NRXN3: variants seen among roughly 807,000 people sequenced by gnomAD.
The protein encoded by NRXN3 is neurexin 3.
NRXN3 carries 32 observed loss-of-function variants against 137.6 expected under a neutral mutation model. That is an observed-to-expected ratio of 0.23 (90% CI 0.18 to 0.31). NRXN3 has a LOEUF of 0.31. NRXN3 is among the 10% of genes least tolerant of loss of function. The probability of loss-of-function intolerance (pLI) is 1.00; values close to 1 mark genes in which losing one functional copy is unlikely to be tolerated. For missense variants in NRXN3, 1,574 were observed against 2,062.5 expected (o/e 0.76, Z 4.59); for synonymous variants, 798 against 784.5 (o/e 1.02, Z -0.29).
At chr14:78,611,706 C>T (rs1345646151) in intron 4 of NRXN3, among the ~76,000 whole-genome samples, 1 of 152,180 alleles carries the variant, frequency 6.6e-6, no homozygotes, top group Non-Finnish European at 1.5e-5. Context: ...CTAGACAGGA[C>T]TCTTTCCTTT....
intron 18 of NRXN3, among the ~76,000 whole-genome samples, chr14:79,695,545 T>C (rs2098732411): frequency 6.6e-6 from 1 of 151,766 alleles, no homozygotes; most frequent in African/African-American, 2.4e-5. Flanking sequence ...TTCATTATGT[T>C]AAGCTGCTTC....
intron 9 of NRXN3, among the ~76,000 whole-genome samples, chr14:78,805,803 A>G (rs2098862884): frequency 6.6e-6 from 1 of 152,146 alleles, no homozygotes; most frequent in Non-Finnish European, 1.5e-5. Flanking sequence ...TGTTTAGTAA[A>G]GATTAGAGTG....
At chr14:78,843,656 C>A (rs1011494101) in intron 10 of NRXN3, among the ~76,000 whole-genome samples, 1 of 152,230 alleles carries the variant, frequency 6.6e-6, no homozygotes, top group African/African-American at 2.4e-5. Context: ...CACTTCTTTT[C>A]ATCTTTTCCT....
At chr14:78,735,803 T>C (rs1027351371) in intron 8 of NRXN3, among the ~76,000 whole-genome samples, 1 of 152,152 alleles carries the variant, frequency 6.6e-6, no homozygotes, top group African/African-American at 2.4e-5. Context: ...TTCAGAGAAG[T>C]CTGTTAGAAT....
chr14:79,227,234 A>G (rs2071096681), intron 15 of NRXN3, among the ~76,000 whole-genome samples: 1 of 152,140 alleles, frequency 6.6e-6, no homozygotes, highest in African/African-American at 2.4e-5. Context: ...TGTTCTAGAC[A>G]CTGGAAACAG....
At chr14:79,030,033 T>C (rs1032146574) in intron 15 of NRXN3, among the ~76,000 whole-genome samples, 10 of 149,384 alleles carry the variant, frequency 6.7e-5, no homozygotes, top group Admixed American at 2.0e-4. Context: ...TTCTTTTTTT[T>C]TTTCTTTCTT....
chr14:79,693,814 T>C (rs948388810), intron 18 of NRXN3, among the ~76,000 whole-genome samples: 1 of 151,872 alleles, frequency 6.6e-6, no homozygotes, highest in African/African-American at 2.4e-5. Context: ...CTGGGGAAGA[T>C]ATCCTAGTTT....
Position 79,043,683 on chromosome 14 carries a change from G to A in NRXN3, c.3262+55542G>A, listed in dbSNP as rs558940857. 4.6e-5 allele frequency among the ~76,000 whole-genome samples: 7 copies of A among 152,224 alleles called. No homozygotes were observed. In the East Asian group the frequency reaches 1.2e-3, roughly 25 times the overall value. On this transcript the variant is annotated intron_variant, in intron 15 of 20. Transcript: ENST00000335750. ...AGGCTGCCATCCTCTAGGTGGTGGC[G>A]GCAGTGTGGCTTGTGGTTCTTTTTG...
chr14:79,291,022 A>G (rs915160845), intron 15 of NRXN3, among the ~76,000 whole-genome samples: 2 of 152,198 alleles, frequency 1.3e-5, no homozygotes, highest in Non-Finnish European at 2.9e-5. Context: ...CTCATGAATA[A>G]TTTGGGCAGA....
Position 78,988,061 on chromosome 14 carries a change from A to G in NRXN3, c.3182A>G (p.Gln1061Arg), listed in dbSNP as rs895702782. 26 of 1,613,886 alleles carry G rather than the reference A, an allele frequency of 1.6e-5. No homozygotes were observed. The African/African-American group carries it at 3.3e-4, about 21-fold the overall frequency. ...TTCQEDSCAN[Q>R]GVCMQQWEGF... ...TGCCAGGAAGATTCATGTGCCAACC[A>G]GGGGGTCTGCATGCAACAATGGGAG... Residue 1061 changes from glutamine (Q) to arginine (R), a missense_variant, in exon 15 of 21, where the codon CAG (glutamine) becomes CGG (arginine). Coordinates refer to ENST00000335750, the MANE Select transcript of NRXN3 (RefSeq NM_001330195.2).
chr14:79,461,496 C>T (rs575610449), intron 15 of NRXN3, among the ~76,000 whole-genome samples: 2 of 151,964 alleles, frequency 1.3e-5, no homozygotes, highest in Non-Finnish European at 1.5e-5. Flanking sequence ...GAGAGATGAG[C>T]GGCAGAGGAA....
chr14:78,414,849 G>T (rs2093038663), intron 4 of NRXN3, among the ~76,000 whole-genome samples: 2 of 152,148 alleles, frequency 1.3e-5, no homozygotes, highest in Non-Finnish European at 2.9e-5. Context: ...TATTTATAAT[G>T]AAGAAGTCTG....
At chr14:79,537,808 C>G (rs915106866) in intron 16 of NRXN3, among the ~76,000 whole-genome samples, 8 of 152,086 alleles carry the variant, frequency 5.3e-5, no homozygotes, top group Non-Finnish European at 8.8e-5. Flanking sequence ...TATATACCCA[C>G]TAATGGGATT....
intron 4 of NRXN3, among the ~76,000 whole-genome samples, chr14:78,443,657 T>G (rs2094326977): frequency 6.6e-6 from 1 of 152,206 alleles, no homozygotes; most frequent in Non-Finnish European, 1.5e-5. Context: ...ACTCTGCTAC[T>G]TAATATCCAT....
At chr14:78,716,451 G>T (rs773138467) in intron 8 of NRXN3, among the ~76,000 whole-genome samples, 1 of 152,160 alleles carries the variant, frequency 6.6e-6, no homozygotes, top group African/African-American at 2.4e-5. Flanking sequence ...CATTTATTTA[G>T]CTGAGGAGTT....
chr14:78,603,518 G>A (rs1301211907), intron 4 of NRXN3, among the ~76,000 whole-genome samples: 4 of 152,186 alleles, frequency 2.6e-5, no homozygotes, highest in Non-Finnish European at 4.4e-5. Context: ...TGGGTGGTAG[G>A]AAAGGACAGA....
intron 16 of NRXN3, among the ~76,000 whole-genome samples, chr14:79,574,401 T>C (rs2097645981): frequency 6.6e-6 from 1 of 152,200 alleles, no homozygotes. Flanking sequence ...TTTTCTCATC[T>C]ATAAACAAGG....
intron 3 of NRXN3, among the ~76,000 whole-genome samples, chr14:78,281,063 G>C (rs1321897022): frequency 6.6e-6 from 1 of 152,186 alleles, no homozygotes; most frequent in Non-Finnish European, 1.5e-5. Context: ...AAGTGTCAAG[G>C]GCTGATTACC....
intron 16 of NRXN3, among the ~76,000 whole-genome samples, chr14:79,569,643 G>GAGAGAGAC (rs2097580599): frequency 1.3e-5 from 2 of 150,094 alleles, no homozygotes; most frequent in African/African-American, 2.5e-5. Context: ...GAGAGAGAGA[G>GAGAGAGAC]AGAGAGACAG....
Sources: gnomAD v4.1 joint callset for allele counts (sites outside exome capture counted in the v4.1 genomes callset) on GRCh38, gnomAD v4.1.1 for gene constraint, MANE v1.5 for transcripts, NCBI Gene and HGNC (gene_info 2026-07-23, HGNC 2026-07-21) for gene names.